PML: variants seen among roughly 807,000 people sequenced by gnomAD.
The protein encoded by PML is protein PML.
Under a neutral mutation model 65.2 loss-of-function variants are expected in PML, and 28 were observed. The observed-to-expected ratio is 0.43, with a 90% CI of 0.32 to 0.59. The LOEUF is 0.59. Among genes scored for constraint, PML ranks in the 20% least tolerant of loss-of-function variants. The pLI is 0.08. For synonymous variants in PML, 500 were observed against 508.8 expected (o/e 0.98, Z 0.23); for missense variants, 1,021 against 1,203.4 (o/e 0.85, Z 2.24).
chr15:73,997,946 C>G, intron 1 of PML, 58 bp from the exon 2 acceptor site: 1 of 1,472,078 alleles, frequency 6.8e-7, no homozygotes, highest in Non-Finnish European at 9.5e-7. Context: ...GGTGGTTGGC[C>G]GGTAGGTGGG....
rs752448206 is a variant in PML at position 74,023,333 on chromosome 15, G to A, written c.1108G>A (p.Ala370Thr). ...RQEEPQSLQA[A>T]VRTDGFDEFK... ...GGAGGAGCCCCAGAGCCTGCAAGCT[G>A]CCGTGCGCACCGATGGCTTCGACGA... Residue 370 changes from alanine (A) to threonine (T), a missense_variant, in exon 3 of 9, where the codon GCC becomes ACC. Transcript: ENST00000268058. 4.7e-5 allele frequency: 75 copies of A among 1,605,920 alleles called. No homozygotes were observed. In the Admixed American group the frequency reaches 1.2e-3, roughly 26 times the overall value.
Position 74,042,158 on chromosome 15 carries a change from G to A in PML, c.1711-831G>A, listed in dbSNP as rs1314249957. 1.3e-5 allele frequency among the ~76,000 whole-genome samples: 2 copies of A among 152,148 alleles called. No individual in the cohort carries two copies. The highest frequency in any genetic ancestry group is 6.5e-5 in the Admixed American group (1 of 15,274). On this transcript the variant is annotated intron_variant, in intron 7 of 8. Transcript: ENST00000268058. The surrounding 1 kb of genome is among the most constrained non-coding windows in gnomAD (Gnocchi z 5.3). ...GCTGGAGCCCTTCCCTCATCCTCTG[G>A]CTCCCCACCCCATGGCTTCTCGAAC...
In PML at chr15:74,034,463, C is replaced by A; in HGVS notation, c.1658-15C>A. ...CCTAGGCAGTTCATAATGCATCTCC[C>A]CTTCCCCGTTTCAGAGGAACGCGTT... On this transcript the variant is annotated splice_polypyrimidine_tract_variant and intron_variant, in intron 6 of 8. Transcript: ENST00000268058. 6.2e-7 allele frequency: 1 copy of A among 1,614,188 alleles called. No individual in the cohort carries two copies. Among genetic ancestry groups the A allele is most frequent in the East Asian group, 2.2e-5 (1 of 44,882 alleles).
intron 4 of PML, among the ~76,000 whole-genome samples, chr15:74,031,821 A>G (rs7173282): frequency 9.0e-4 from 137 of 152,368 alleles, no homozygotes; most frequent in African/African-American, 3.1e-3. Context: ...ATTTATCATC[A>G]TCAATGACAT....
chr15:74,002,720 C>G lies in PML; in HGVS notation c.602+4244C>G, dbSNP rs528726884. Among the ~76,000 whole-genome samples the G allele has an allele frequency of 2.6e-5, 4 of 151,830 alleles. No individual in the cohort carries two copies. In the East Asian group the frequency reaches 7.8e-4, roughly 30 times the overall value. On this transcript the variant is annotated intron_variant, in intron 2 of 8. Coordinates refer to ENST00000268058, the MANE Select transcript of PML (RefSeq NM_033238.3). ...CCACCCGCCTCAGCCTCCCAAAGTG[C>G]TGGGATTACAGGCGTGAGCCAACAT...
chr15:74,031,375 G>C, intron 4 of PML: 1 of 342,856 alleles, frequency 2.9e-6, no homozygotes, highest in South Asian at 2.5e-5. Flanking sequence ...CAGGGCTCAA[G>C]CGATTCTCAT....
intron 2 of PML, among the ~76,000 whole-genome samples, chr15:74,017,145 T>C (rs752624134): frequency 6.6e-6 from 1 of 152,164 alleles, no homozygotes; most frequent in African/African-American, 2.4e-5. Flanking sequence ...TCTTCAGTAA[T>C]TATAGTGTCT....
At chr15:74,011,511 A>AGT (rs2070332634) in intron 2 of PML, among the ~76,000 whole-genome samples, 1 of 152,392 alleles carries the variant, frequency 6.6e-6, no homozygotes, top group Non-Finnish European at 1.5e-5. Flanking sequence ...TATGGAAGGC[A>AGT]GTGGAACAGA....
chr15:74,016,787 G>A (rs1308475703), intron 2 of PML, among the ~76,000 whole-genome samples: 25 of 84,396 alleles, frequency 3.0e-4, no homozygotes, highest in Admixed American at 2.5e-3. Flanking sequence ...TTTAGGCAGT[G>A]GCATCTTTTT....
At chr15:74,009,020 G>A (rs1397396528) in intron 2 of PML, among the ~76,000 whole-genome samples, 1 of 152,204 alleles carries the variant, frequency 6.6e-6, no homozygotes, top group Non-Finnish European at 1.5e-5. Flanking sequence ...TTAGGTCCAG[G>A]TGGGGGTGAG....
chr15:74,024,968 C>A, intron 4 of PML, 41 bp downstream of exon 4: 1 of 1,393,854 alleles, frequency 7.2e-7, no homozygotes. Flanking sequence ...TGGTGGGGCC[C>A]AGCAGGTCAG....
intron 2 of PML, among the ~76,000 whole-genome samples, chr15:74,007,199 G>A (rs901240660): frequency 7.2e-5 from 11 of 152,330 alleles, no homozygotes; most frequent in South Asian, 2.1e-4. Flanking sequence ...AGCAAAGAGC[G>A]TAAGAGTCAA....
chr15:74,000,464 C>G (rs914931050), intron 2 of PML, among the ~76,000 whole-genome samples: 1 of 152,064 alleles, frequency 6.6e-6, no homozygotes, highest in Admixed American at 6.5e-5. Context: ...CACCACCACA[C>G]TCAGCTAATT....
intron 6 of PML, chr15:74,033,717 C>G (rs956955783): frequency 1.6e-6 from 1 of 618,260 alleles, no homozygotes; most frequent in African/African-American, 1.8e-5. Context: ...AGTTTGTTGG[C>G]TGATGCCTAG....
In PML at chr15:74,045,244, C is replaced by G; in HGVS notation, c.*236C>G. Reference sequence around the variant, plus strand: ...GTGTGCACCAGACTCCTATTAGCCCCTCCTTCCAGGAGCTAGAACCAGGGA... The same window carrying G: ...GTGTGCACCAGACTCCTATTAGCCCGTCCTTCCAGGAGCTAGAACCAGGGA... On this transcript the variant is annotated 3_prime_UTR_variant, in exon 9 of 9. Transcript: ENST00000268058. 1.9e-6 allele frequency: 1 copy of G among 534,272 alleles called. No homozygotes were observed. Among genetic ancestry groups the G allele is most frequent in the Non-Finnish European group, 3.3e-6 (1 of 301,846 alleles). 33.1% of individuals were successfully genotyped at this position (534,272 alleles called of 1,614,324 possible).
intron 2 of PML, among the ~76,000 whole-genome samples, chr15:74,001,861 A>C (rs760176973): frequency 1.3e-5 from 2 of 152,094 alleles, no homozygotes; most frequent in South Asian, 2.1e-4. Context: ...TTAGCCAGGC[A>C]TGGTCGGTGG....
intron 7 of PML, among the ~76,000 whole-genome samples, chr15:74,036,763 A>G (rs1020348624): frequency 1.3e-5 from 2 of 148,822 alleles, no homozygotes; most frequent in African/African-American, 5.0e-5. Context: ...TTCTATTTCC[A>G]CCCACCTGCC....
chr15:74,002,293 C>A (rs902079818), intron 2 of PML, among the ~76,000 whole-genome samples: 5 of 151,570 alleles, frequency 3.3e-5, no homozygotes, highest in African/African-American at 1.2e-4. Flanking sequence ...GTTGTACACA[C>A]ATATATATAC....
chr15:74,015,857 G>C (rs142511497), intron 2 of PML, among the ~76,000 whole-genome samples: 31 of 152,302 alleles, frequency 2.0e-4, no homozygotes, highest in Admixed American at 1.7e-3. Flanking sequence ...AAGGTAATTT[G>C]CTCAAGGCCT....
Sources: allele counts gnomAD v4.1 joint callset (sites outside exome capture counted in the v4.1 genomes callset), GRCh38; gene constraint gnomAD v4.1.1; non-coding constraint Gnocchi (gnomAD v3.1); transcripts MANE v1.5; gene names NCBI Gene and HGNC (gene_info 2026-07-23, HGNC 2026-07-21).